Variants in HPSE2 observed in about 807,000 individuals in gnomAD.
HPSE2 encodes the protein inactive heparanase-2.
A neutral mutation model predicts 60.5 loss-of-function variants in HPSE2; 38 were observed. That is an observed-to-expected ratio of 0.63 (90% CI 0.48 to 0.82). The LOEUF is 0.82. Among genes scored for constraint, HPSE2 ranks in the 40% least tolerant of loss-of-function variants. The pLI, the probability that HPSE2 is intolerant of heterozygous loss-of-function variation, is 0.00. For synonymous variants in HPSE2, 295 were observed against 293.2 expected (o/e 1.01, Z -0.06); for missense variants, 713 against 740.4 (o/e 0.96, Z 0.43).
At chr10:98,897,363 A>C (rs1372575027) in intron 3 of HPSE2, among the ~76,000 whole-genome samples, 2 of 152,178 alleles carry the variant, frequency 1.3e-5, no homozygotes, top group African/African-American at 4.8e-5. Context: ...TTTATATGGA[A>C]AAGCAAAAGA....
chr10:99,303,157 C>T, the HPSE2 span, among the ~76,000 whole-genome samples: 2 of 152,130 alleles, frequency 1.3e-5, no homozygotes, highest in African/African-American at 2.4e-5. Flanking sequence ...AGACCTCAAT[C>T]CTCAGGTAAC....
In HPSE2 at chr10:98,954,958, TTA is replaced by T. The variant is rs34653496; in HGVS notation, c.610+189278_610+189279del. Reference sequence around the variant, plus strand: ...TACTCAGTGGATCTAAGCATCAATTTTATATATATATATACATATTTATATAT... The same window carrying T: ...TACTCAGTGGATCTAAGCATCAATTTTATATATATATACATATTTATATAT... On this transcript the variant is annotated intron_variant, in intron 3 of 11. Transcript: ENST00000370552. Among the ~76,000 whole-genome samples the T allele has an allele frequency of 5.3e-4, 62 of 117,530 alleles. No homozygotes were observed. The East Asian group carries it at 0.012, about 24-fold the overall frequency. The allele number at this position is 117,530 out of a possible 152,430, so 77.1% of individuals were successfully genotyped here. A position where few individuals can be genotyped will look rare whatever the true frequency, so the allele number is the denominator to read the frequency against.
At chr10:98,536,412 C>T (rs1019315985) in intron 9 of HPSE2, among the ~76,000 whole-genome samples, 1 of 152,140 alleles carries the variant, frequency 6.6e-6, no homozygotes, top group African/African-American at 2.4e-5. Context: ...TGAGGTGATG[C>T]TGGAAAGAGA....
chr10:99,260,034 C>A, the HPSE2 span, among the ~76,000 whole-genome samples: 1 of 152,152 alleles, frequency 6.6e-6, no homozygotes, highest in Non-Finnish European at 1.5e-5. Context: ...GACTGCTGCT[C>A]TAGGAATTGC....
intron 3 of HPSE2, among the ~76,000 whole-genome samples, chr10:99,043,352 T>C (rs1957785361): frequency 6.6e-6 from 1 of 151,958 alleles, no homozygotes; most frequent in Non-Finnish European, 1.5e-5. Context: ...GGCGTGGTGG[T>C]GGGCACCTGT....
At chr10:98,802,382 C>T (rs1260653308) in intron 3 of HPSE2, among the ~76,000 whole-genome samples, 2 of 150,740 alleles carry the variant, frequency 1.3e-5, no homozygotes. Context: ...AGGTTAGTTA[C>T]ATATGTATAC....
chr10:98,526,647 A>C (rs1268982713), intron 9 of HPSE2, among the ~76,000 whole-genome samples: 1 of 152,228 alleles, frequency 6.6e-6, no homozygotes, highest in Non-Finnish European at 1.5e-5. Flanking sequence ...GTCATCATTA[A>C]GTTTACAGAT....
At chr10:99,231,029 A>C (rs1849627012) in intron 2 of HPSE2, among the ~76,000 whole-genome samples, 1 of 152,224 alleles carries the variant, frequency 6.6e-6, no homozygotes, top group Non-Finnish European at 1.5e-5. Flanking sequence ...AATGACTTTT[A>C]TCTTTGAAAA....
intron 6 of HPSE2, 127 bp downstream of exon 6, chr10:98,693,773 T>C: frequency 1.2e-6 from 1 of 829,132 alleles, no homozygotes; most frequent in Non-Finnish European, 2.1e-6. Context: ...TTGGAGTTAC[T>C]TTCAAATTTT....
intron 9 of HPSE2, among the ~76,000 whole-genome samples, chr10:98,540,835 A>G (rs1417583302): frequency 6.6e-6 from 1 of 152,336 alleles, no homozygotes; most frequent in Non-Finnish European, 1.5e-5. Context: ...TGCATCTACC[A>G]TGATATAATT....
intron 3 of HPSE2, among the ~76,000 whole-genome samples, chr10:98,905,103 G>A (rs889585210): frequency 1.3e-5 from 2 of 151,936 alleles, no homozygotes; most frequent in South Asian, 2.1e-4. Flanking sequence ...ACATATATGG[G>A]CTAAATGCTT....
intron 5 of HPSE2, among the ~76,000 whole-genome samples, chr10:98,700,614 C>A: frequency 9.1e-6 from 1 of 110,040 alleles, no homozygotes; most frequent in Non-Finnish European, 2.0e-5. Flanking sequence ...ACACCAAAAG[C>A]AATGGCAACA....
At chr10:99,184,033 G>GA (rs1486652237) in intron 2 of HPSE2, among the ~76,000 whole-genome samples, 2 of 150,802 alleles carry the variant, frequency 1.3e-5, no homozygotes, top group Admixed American at 6.6e-5. Flanking sequence ...CTTCATCCCA[G>GA]AAAAAAACAA....
At chr10:98,710,331 G>A (rs1311684466) in intron 5 of HPSE2, among the ~76,000 whole-genome samples, 1 of 151,682 alleles carries the variant, frequency 6.6e-6, no homozygotes, top group Admixed American at 6.6e-5. Flanking sequence ...CCCTATTTAT[G>A]TATATTAATA....
chr10:98,893,889 T>C (rs1367874884), intron 3 of HPSE2, among the ~76,000 whole-genome samples: 1 of 125,888 alleles, frequency 7.9e-6, no homozygotes, highest in Non-Finnish European at 1.7e-5. Flanking sequence ...TATACCATAA[T>C]GAAGTGGTAA....
At chr10:98,632,817 GC>G (rs1360976624) in intron 7 of HPSE2, among the ~76,000 whole-genome samples, 5 of 152,202 alleles carry the variant, frequency 3.3e-5, no homozygotes, top group Admixed American at 3.3e-4. Flanking sequence ...TAAATGTCAG[GC>G]CCCATAAAAC....
At chr10:98,563,432 T>G (rs1244028796) in intron 9 of HPSE2, among the ~76,000 whole-genome samples, 1 of 152,154 alleles carries the variant, frequency 6.6e-6, no homozygotes, top group African/African-American at 2.4e-5. Flanking sequence ...GTACCGGTAG[T>G]GAGTGCTCAT....
chr10:98,934,178 G>T (rs1421740612), intron 3 of HPSE2, among the ~76,000 whole-genome samples: 2 of 144,348 alleles, frequency 1.4e-5, no homozygotes, highest in African/African-American at 5.6e-5. Context: ...CTTTGCACAT[G>T]AGATGTGTCT....
At chr10:98,989,586 T>C (rs1315145569) in intron 3 of HPSE2, among the ~76,000 whole-genome samples, 1 of 151,502 alleles carries the variant, frequency 6.6e-6, no homozygotes, top group Admixed American at 6.6e-5. Context: ...ACATGGCACA[T>C]GTATACATAT....
Sources: gnomAD v4.1 joint callset for allele counts (sites outside exome capture counted in the v4.1 genomes callset) on GRCh38, gnomAD v4.1.1 for gene constraint, MANE v1.5 for transcripts, NCBI Gene and HGNC (gene_info 2026-07-23, HGNC 2026-07-21) for gene names.